The following CNOT10 variants were observed in gnomAD, a reference collection of about 807,000 sequenced individuals.
CNOT10 encodes the protein CCR4-NOT transcription complex subunit 10, also known as CCR4-NOT transcription complex, subunit 10.
Under a neutral mutation model 94.6 loss-of-function variants are expected in CNOT10, and 30 were observed. The ratio of observed to expected loss-of-function variants is 0.32; its 90% CI spans 0.24 to 0.43. The LOEUF (loss-of-function observed/expected upper bound fraction) is 0.43, where lower values mean the gene tolerates loss of function less well. Among genes scored for constraint, CNOT10 ranks in the 20% least tolerant of loss-of-function variants. The pLI, the probability that CNOT10 is intolerant of heterozygous loss-of-function variation, is 1.00. For synonymous variants in CNOT10, 289 were observed against 301.6 expected, an observed-to-expected ratio of 0.96 and a Z score of 0.43; for missense variants, 759 against 877.2, an observed-to-expected ratio of 0.87 and a Z score of 1.70.
At chr3:32,748,437 T>C (rs1559508604) in intron 13 of CNOT10, among the ~76,000 whole-genome samples, 1 of 152,226 alleles carries the variant, frequency 6.6e-6, no homozygotes, top group Non-Finnish European at 1.5e-5. Context: ...GCTGCATACA[T>C]TTGGGAGACG....
At chr3:32,771,871 A>T (rs2125653869) in intron 18 of CNOT10, among the ~76,000 whole-genome samples, 1 of 152,352 alleles carries the variant, frequency 6.6e-6, no homozygotes, top group East Asian at 1.9e-4. Context: ...TAGTATTTTG[A>T]ACACATATTA....
At chr3:32,703,097 T>TC (rs1697440091) in intron 1 of CNOT10, among the ~76,000 whole-genome samples, 1 of 148,912 alleles carries the variant, frequency 6.7e-6, no homozygotes, top group African/African-American at 2.5e-5. Flanking sequence ...TTTTTTTTTT[T>TC]GTATTTTTAG....
At chr3:32,698,515 TACAG>T (rs1697182800) in intron 1 of CNOT10, among the ~76,000 whole-genome samples, 2 of 152,178 alleles carry the variant, frequency 1.3e-5, no homozygotes, top group African/African-American at 4.8e-5. Flanking sequence ...ATGTTTAAAT[TACAG>T]ACATAAATAT....
intron 10 of CNOT10, among the ~76,000 whole-genome samples, 169 bp downstream of exon 10, chr3:32,728,039 C>G (rs1698763466): frequency 6.7e-6 from 1 of 150,034 alleles, no homozygotes; most frequent in Admixed American, 6.7e-5. Flanking sequence ...TCTTATTGCC[C>G]AGGCTGGAGT....
At chr3:32,718,544 A>G (rs1698229024) in intron 7 of CNOT10, among the ~76,000 whole-genome samples, 1 of 135,422 alleles carries the variant, frequency 7.4e-6, no homozygotes, top group Non-Finnish European at 1.5e-5. Flanking sequence ...AGACCGCGCC[A>G]CTGCACTCCA....
At chr3:32,754,551 GCT>G (rs1443874333) in intron 13 of CNOT10, among the ~76,000 whole-genome samples, 1 of 72,654 alleles carries the variant, frequency 1.4e-5, no homozygotes, top group African/African-American at 6.0e-5. Flanking sequence ...ACGGAGTCTT[GCT>G]CTGTTTTCCA....
intron 10 of CNOT10, 97 bp downstream of exon 10, chr3:32,727,967 A>G: frequency 2.5e-6 from 2 of 786,468 alleles, no homozygotes; most frequent in Middle Eastern, 3.9e-4. Flanking sequence ...AACATACATA[A>G]GACATTTCTC....
chr3:32,706,941 T>C (rs778062362), intron 3 of CNOT10, among the ~76,000 whole-genome samples: 3 of 152,254 alleles, frequency 2.0e-5, no homozygotes, highest in African/African-American at 7.2e-5. Flanking sequence ...ACGTGGGTGG[T>C]TGACGTCTGC....
intron 13 of CNOT10, among the ~76,000 whole-genome samples, chr3:32,757,117 A>G (rs1028322144): frequency 2.0e-5 from 3 of 151,288 alleles, no homozygotes; most frequent in Admixed American, 6.6e-5. Context: ...AAAGAAAAAA[A>G]AAAAAAAAAG....
chr3:32,752,283 C>T (rs183027651), intron 13 of CNOT10, among the ~76,000 whole-genome samples: 1 of 151,760 alleles, frequency 6.6e-6, no homozygotes, highest in African/African-American at 2.4e-5. Context: ...GAGCGAAACT[C>T]CGTCTCAAAA....
intron 3 of CNOT10, among the ~76,000 whole-genome samples, chr3:32,707,658 C>T (rs1697685180): frequency 6.6e-6 from 1 of 151,992 alleles, no homozygotes; most frequent in South Asian, 2.1e-4. Flanking sequence ...ACAAAATTAG[C>T]CAGGTGTTGT....
intron 1 of CNOT10, among the ~76,000 whole-genome samples, chr3:32,698,984 C>A (rs1220155760): frequency 6.6e-6 from 1 of 152,082 alleles, no homozygotes; most frequent in Non-Finnish European, 1.5e-5. Flanking sequence ...CGGGGTTTCA[C>A]CATGCTGCCC....
intron 14 of CNOT10, 28 bp downstream of exon 14, chr3:32,759,599 TG>T: frequency 6.6e-7 from 1 of 1,524,466 alleles, no homozygotes; most frequent in Non-Finnish European, 9.1e-7. Context: ...TGTGTGTCCC[TG>T]GTTTCTTTAG....
At position 32,759,521 on chromosome 3, in the gene CNOT10, G is replaced by A. The variant is rs1407732011; in HGVS notation, c.1659G>A (p.Leu553=). ...ALALGDNLMA[L]NHADKLLQQP... ...CTTTGGGTGATAACCTCATGGCTTTGAATCATGCAGATAAACTTCTTCAGC... is the reference window on the plus strand; with the variant it reads ...CTTTGGGTGATAACCTCATGGCTTTAAATCATGCAGATAAACTTCTTCAGC... Residue 553 remains leucine (L), a synonymous_variant, in exon 14 of 19, where the codon TTG becomes TTA. Coordinates refer to ENST00000328834, the MANE Select transcript of CNOT10 (RefSeq NM_015442.3). The A allele has an allele frequency of 1.2e-6, 2 of 1,614,024 alleles. No individual in the cohort carries two copies. The highest frequency in any genetic ancestry group is 1.7e-6 in the Non-Finnish European group (2 of 1,180,006).
At chr3:32,716,012 A>G (rs1559487941) in intron 5 of CNOT10, 1 of 391,970 alleles carries the variant, frequency 2.6e-6, no homozygotes, top group Non-Finnish European at 4.6e-6. Flanking sequence ...TTGCCATGTT[A>G]CTCAAGCTGG....
chr3:32,763,089 G>C (rs185213979), intron 15 of CNOT10, among the ~76,000 whole-genome samples: 4 of 152,322 alleles, frequency 2.6e-5, no homozygotes, highest in Non-Finnish European at 5.9e-5. Flanking sequence ...GGTACTGTTA[G>C]AATGGTTAAT....
chr3:32,685,193 G>C lies in CNOT10; in HGVS notation c.-268G>C, dbSNP rs1017264521. On this transcript the variant is annotated 5_prime_UTR_variant, in exon 1 of 19. Transcript: ENST00000328834. ...AGGCTGCCGCCCCCGGAAGTAGTGG[G>C]TACCGGGACGCCGTGAGGCGGAAGC... The C allele has an allele frequency of 2.6e-6, 1 of 390,314 alleles. No homozygotes were observed. The highest frequency in any genetic ancestry group is 2.1e-5 in the African/African-American group (1 of 46,958). The allele number at this position is 390,314 out of a possible 1,614,324, so 24.2% of individuals were successfully genotyped here. A position where few individuals can be genotyped will look rare whatever the true frequency, so the allele number is the denominator to read the frequency against.
chr3:32,687,457 T>TTTTTTTTTTTTTG (rs1696668172), intron 1 of CNOT10, among the ~76,000 whole-genome samples: 2 of 103,104 alleles, frequency 1.9e-5, no homozygotes, highest in Non-Finnish European at 4.1e-5. Flanking sequence ...TTTTTGTTTT[T>TTTTTTTTTTTTTG]TTTTTTTTTT....
At chr3:32,764,576 CCTGAGGAATA>C in intron 16 of CNOT10, 86 bp downstream of exon 16, 1 of 1,602,600 alleles carries the variant, frequency 6.2e-7, no homozygotes, top group Non-Finnish European at 8.5e-7. Context: ...CGTTTTTCTG[CCTGAGGAATA>C]CTGCTGTGCC....
Sources: gnomAD v4.1 joint callset for allele counts (sites outside exome capture counted in the v4.1 genomes callset) on GRCh38, gnomAD v4.1.1 for gene constraint, MANE v1.5 for transcripts, NCBI Gene and HGNC (gene_info 2026-07-23, HGNC 2026-07-21) for gene names.